ITGB3BP: variants seen among roughly 807,000 people sequenced by gnomAD.
The protein encoded by ITGB3BP is integrin subunit beta 3 binding protein.
Under a neutral mutation model 29.1 loss-of-function variants are expected in ITGB3BP, and 27 were observed. The observed-to-expected ratio is 0.93, with a 90% CI of 0.68 to 1.28. The LOEUF (loss-of-function observed/expected upper bound fraction) is 1.28, where lower values mean the gene tolerates loss of function less well. ITGB3BP is among the 50% of genes most tolerant of loss of function. ITGB3BP has a pLI of 0.00. For missense variants in ITGB3BP, 192 were observed against 200.2 expected (o/e 0.96, Z 0.25); for synonymous variants, 61 against 61.4 (o/e 0.99, Z 0.03).
chr1:63,479,600 G>A (rs548354566), intron 3 of ITGB3BP, among the ~76,000 whole-genome samples: 1 of 151,970 alleles, frequency 6.6e-6, no homozygotes, highest in South Asian at 2.1e-4. Flanking sequence ...CAATCACTCG[G>A]CCCTCCCGAC....
chr1:63,476,582 G>A (rs1286450483), intron 4 of ITGB3BP, among the ~76,000 whole-genome samples: 1 of 152,202 alleles, frequency 6.6e-6, no homozygotes, highest in Non-Finnish European at 1.5e-5. Flanking sequence ...TGCCATGGGA[G>A]CTATTGTTTT....
chr1:63,509,045 A>G (rs548880845), intron 1 of ITGB3BP, among the ~76,000 whole-genome samples: 24 of 152,342 alleles, frequency 1.6e-4, no homozygotes, highest in Non-Finnish European at 2.8e-4. Context: ...ACATTATTCT[A>G]GCTTTAAACA....
chr1:63,486,068 A>G (rs1480649528), intron 3 of ITGB3BP, among the ~76,000 whole-genome samples: 1 of 152,006 alleles, frequency 6.6e-6, no homozygotes, highest in Non-Finnish European at 1.5e-5. Flanking sequence ...CAGATGTTGG[A>G]GAGTCTTATT....
chr1:63,527,442 T>TAAC (rs10687198), upstream of ITGB3BP, among the ~76,000 whole-genome samples: 32,384 of 151,720 alleles, frequency 0.21, 3,665 homozygotes, highest in African/African-American at 0.26. Flanking sequence ...CTGCCACTTA[T>TAAC]GTGCATTTCC....
intron 3 of ITGB3BP, among the ~76,000 whole-genome samples, chr1:63,480,972 A>T (rs1445136273): frequency 1.3e-5 from 2 of 152,050 alleles, no homozygotes; most frequent in Non-Finnish European, 1.5e-5. Flanking sequence ...TGTACCTTAA[A>T]CCTTTATTTC....
intron 3 of ITGB3BP, among the ~76,000 whole-genome samples, chr1:63,488,047 T>C (rs1330008713): frequency 2.0e-5 from 3 of 152,126 alleles, no homozygotes; most frequent in African/African-American, 7.2e-5. Context: ...AAATCCCATG[T>C]TTGGCCAATG....
upstream of ITGB3BP, chr1:63,523,759 T>A (rs1468159911): frequency 1.3e-5 from 2 of 153,626 alleles, no homozygotes; most frequent in Non-Finnish European, 2.9e-5. Context: ...GTACCTAAAA[T>A]GTACATGTAA....
chr1:63,503,828 T>A (rs948493952), intron 2 of ITGB3BP, among the ~76,000 whole-genome samples: 1 of 152,214 alleles, frequency 6.6e-6, no homozygotes, highest in Admixed American at 6.5e-5. Context: ...GTTGTAGATA[T>A]GCAGCATTAT....
chr1:63,473,563 G>A (rs1318360236), intron 4 of ITGB3BP, among the ~76,000 whole-genome samples: 34 of 100,080 alleles, frequency 3.4e-4, no homozygotes, highest in Non-Finnish European at 6.0e-4. Flanking sequence ...CCATCTGGGA[G>A]GGGGGAGGGG....
At chr1:63,457,702 T>C (rs1249768356) in intron 4 of ITGB3BP, 1 of 152,180 alleles carries the variant, frequency 6.6e-6, no homozygotes, top group African/African-American at 2.4e-5. Flanking sequence ...TCAAATAGAT[T>C]TGCCTCTCGC....
Position 63,511,836 on chromosome 1 carries a change from GA to G in ITGB3BP, c.6-3267del, listed in dbSNP as rs968192435. Among the ~76,000 whole-genome samples the G allele has an allele frequency of 7.3e-5, 11 of 151,712 alleles. No individual in the cohort carries two copies. The South Asian group carries it at 1.0e-3, about 14-fold the overall frequency. On this transcript the variant is annotated intron_variant, in intron 1 of 8. Coordinates refer to ENST00000271002, the MANE Select transcript of ITGB3BP (RefSeq NM_014288.5). ...GTACAGACTTTCAGTTTTACAAGAT[GA>G]AAAAAAATTCTAGAAATGAATGGTG...
At chr1:63,464,439 T>C (rs145772149) in intron 4 of ITGB3BP, among the ~76,000 whole-genome samples, 103 of 152,242 alleles carry the variant, frequency 6.8e-4, no homozygotes, top group Non-Finnish European at 1.1e-3. Flanking sequence ...AGATTTGAGA[T>C]GGGATAGAAA....
At chr1:63,493,088 A>ACGAGCGCG (rs1645696180) in intron 2 of ITGB3BP, among the ~76,000 whole-genome samples, 1 of 148,726 alleles carries the variant, frequency 6.7e-6, no homozygotes, top group East Asian at 2.0e-4. Context: ...ACACACACAC[A>ACGAGCGCG]CGCGCGCGCG....
intron 3 of ITGB3BP, among the ~76,000 whole-genome samples, chr1:63,487,146 T>C (rs947787444): frequency 6.6e-6 from 1 of 152,090 alleles, no homozygotes; most frequent in Non-Finnish European, 1.5e-5. Flanking sequence ...TAGCTACATA[T>C]ATTTTATGCA....
chr1:63,445,783 AC>A lies in ITGB3BP; in HGVS notation c.*1+1022del, dbSNP rs369885581. On this transcript the variant is annotated intron_variant, in intron 8 of 8. Coordinates refer to ENST00000271002, the MANE Select transcript of ITGB3BP (RefSeq NM_014288.5). ...CTTATTTTTCTATTTTTTTGTAGAG[AC>A]ATGGTCTGTCACTGTGTTGCCTAGG... Among the ~76,000 whole-genome samples, 48 of 151,832 alleles carry A rather than the reference AC, an allele frequency of 3.2e-4. 1 individual carries two copies. The East Asian group carries it at 7.8e-3, about 25-fold the overall frequency.
At chr1:63,528,170 A>G (rs1365392803), upstream of ITGB3BP, among the ~76,000 whole-genome samples, 3 of 152,242 alleles carry the variant, frequency 2.0e-5, no homozygotes, top group East Asian at 1.9e-4. Flanking sequence ...TTTGGAAGCA[A>G]CGTAAGAGTT....
At chr1:63,475,020 G>C (rs1645310249) in intron 4 of ITGB3BP, among the ~76,000 whole-genome samples, 1 of 152,158 alleles carries the variant, frequency 6.6e-6, no homozygotes, top group Admixed American at 6.5e-5. Context: ...GGTCGCTTAG[G>C]CTGGAGAGTA....
intron 4 of ITGB3BP, among the ~76,000 whole-genome samples, chr1:63,469,947 C>T (rs1390224964): frequency 2.0e-5 from 3 of 152,220 alleles, no homozygotes; most frequent in Admixed American, 1.3e-4. Context: ...ACACCTGGCC[C>T]GCCCAGGGCA....
At chr1:63,492,253 TTCTC>T (rs1349418874) in intron 2 of ITGB3BP, among the ~76,000 whole-genome samples, 2 of 151,564 alleles carry the variant, frequency 1.3e-5, no homozygotes, top group Non-Finnish European at 2.9e-5. Flanking sequence ...ATACTGAGGC[TTCTC>T]TCTTTTTTTA....
Sources: gnomAD v4.1 joint callset for allele counts (sites outside exome capture counted in the v4.1 genomes callset) on GRCh38, gnomAD v4.1.1 for gene constraint, MANE v1.5 for transcripts, NCBI Gene and HGNC (gene_info 2026-07-23, HGNC 2026-07-21) for gene names.